The following IGF1R variants were observed in gnomAD, a reference collection of about 807,000 sequenced individuals.
The protein encoded by IGF1R is insulin like growth factor 1 receptor.
In IGF1R, 44 loss-of-function variants were observed where a neutral mutation model predicts 144.6. The observed-to-expected ratio is 0.30, with a 90% CI of 0.24 to 0.39. IGF1R has a LOEUF of 0.39. Ranked by LOEUF, IGF1R falls within the 10% of genes least tolerant of loss-of-function variation. The pLI is 1.00. For missense variants in IGF1R, 1,355 were observed against 1,833.7 expected (o/e 0.74, Z 4.77); for synonymous variants, 795 against 722.8 (o/e 1.10, Z -1.60).
Position 98,794,199 on chromosome 15 carries a change from C to T in IGF1R, c.640+86092C>T, listed in dbSNP as rs74034207. Among the ~76,000 whole-genome samples the T allele has an allele frequency of 7.7e-3, 1,174 of 152,296 alleles. 7 individuals carry two copies. The highest frequency in any genetic ancestry group is 0.027 in the African/African-American group (1,113 of 41,554). ...TTTTCTCTAGCTTATTTAGAAACGC[C>T]AGTCTAGACTTCCGCAGTTTTGGAT... On this transcript the variant is annotated intron_variant, in intron 2 of 20. Transcript: ENST00000650285.
intron 2 of IGF1R, among the ~76,000 whole-genome samples, chr15:98,839,448 A>G (rs2011139006): frequency 6.6e-6 from 1 of 152,174 alleles, no homozygotes; most frequent in Non-Finnish European, 1.5e-5. Flanking sequence ...GGTGGTTCAG[A>G]TGGCTAGAAG....
chr15:98,873,984 CAGATATTTCGAGCATGACTGAGCTTATTA>C (rs1156404904), intron 2 of IGF1R: 8 of 152,276 alleles, frequency 5.3e-5, no homozygotes, highest in Middle Eastern at 6.8e-3. Context: ...GTGGGTGAAA[CAGATATTTCGAGCATGACTGAGCTTATTA>C]AGAGCCCTGC....
At chr15:98,689,152 T>G (rs2053409733) in intron 1 of IGF1R, among the ~76,000 whole-genome samples, 1 of 152,116 alleles carries the variant, frequency 6.6e-6, no homozygotes, top group Non-Finnish European at 1.5e-5. Flanking sequence ...ACTCTAGATA[T>G]CTTGCAGATT....
At chr15:98,888,620 T>G (rs1248289648) in intron 2 of IGF1R, among the ~76,000 whole-genome samples, 2 of 152,144 alleles carry the variant, frequency 1.3e-5, no homozygotes, top group African/African-American at 4.8e-5. Context: ...CCTTATTACT[T>G]GTGGGTTAGA....
chr15:98,947,224 C>T (rs999936294), intron 19 of IGF1R, among the ~76,000 whole-genome samples: 2 of 152,252 alleles, frequency 1.3e-5, no homozygotes, highest in African/African-American at 4.8e-5. Flanking sequence ...GGTCTGTCCT[C>T]TGATTGCTAA....
chr15:98,778,276 G>C (rs769894278), intron 2 of IGF1R, among the ~76,000 whole-genome samples: 19 of 152,156 alleles, frequency 1.2e-4, no homozygotes, highest in Non-Finnish European at 2.5e-4. Flanking sequence ...AAGCTTTGAG[G>C]CATGTTCTAT....
chr15:98,916,627 C>T lies in IGF1R; in HGVS notation c.1997-45C>T, dbSNP rs34855511. 3.7e-4 allele frequency: 554 copies of T among 1,510,358 alleles called. 4 individuals are homozygous for T. In the East Asian group the frequency reaches 0.011, roughly 31 times the overall value. The allele number at this position is 1,510,358 out of a possible 1,614,324, so 93.6% of individuals were successfully genotyped here. On this transcript the variant is annotated intron_variant, in intron 9 of 20. Coordinates refer to ENST00000650285, the MANE Select transcript of IGF1R (RefSeq NM_000875.5). ...TATTTTTCCTTACAAGCATGTATAACGGCTTTCATTCCCACTCTTGTTTTG... is the reference window on the plus strand; with the variant it reads ...TATTTTTCCTTACAAGCATGTATAATGGCTTTCATTCCCACTCTTGTTTTG...
intron 2 of IGF1R, among the ~76,000 whole-genome samples, chr15:98,857,843 A>G (rs574886297): frequency 5.3e-5 from 8 of 152,234 alleles, no homozygotes; most frequent in Non-Finnish European, 8.8e-5. Flanking sequence ...TTTGATAAGG[A>G]TAACTGAGAC....
intron 2 of IGF1R, among the ~76,000 whole-genome samples, chr15:98,858,845 G>A (rs140396311): frequency 8.5e-4 from 130 of 152,236 alleles, no homozygotes; most frequent in Non-Finnish European, 1.5e-3. Flanking sequence ...TCCAAACTTC[G>A]TGTGACATCT....
chr15:98,797,973 A>G lies in IGF1R; in HGVS notation c.640+89866A>G, dbSNP rs1280370950. On this transcript the variant is annotated intron_variant, in intron 2 of 20. Coordinates refer to ENST00000650285, the MANE Select transcript of IGF1R (RefSeq NM_000875.5). ...TTTGCCCTGCCACTGTGAATCAGCC[A>G]TGAGAAGACGTGGAGAGGAACATGA... Among the ~76,000 whole-genome samples the G allele has an allele frequency of 5.9e-5, 9 of 152,250 alleles. No individual in the cohort carries two copies. The South Asian group carries it at 1.4e-3, about 25-fold the overall frequency.
At chr15:98,817,330 ATAATAATAATAG>A (rs948684798) in intron 2 of IGF1R, among the ~76,000 whole-genome samples, 4 of 147,438 alleles carry the variant, frequency 2.7e-5, no homozygotes, top group African/African-American at 7.9e-5. Context: ...AATAATAATA[ATAATAATAATAG>A]TAAGAATACT....
intron 5 of IGF1R, among the ~76,000 whole-genome samples, chr15:98,902,914 A>G (rs2014555710): frequency 6.6e-6 from 1 of 152,186 alleles, no homozygotes; most frequent in African/African-American, 2.4e-5. Flanking sequence ...CATCCAGAAC[A>G]GAAAATTCAA....
intron 1 of IGF1R, among the ~76,000 whole-genome samples, chr15:98,658,288 G>T (rs2052530204): frequency 6.6e-6 from 1 of 152,164 alleles, no homozygotes; most frequent in Non-Finnish European, 1.5e-5. Flanking sequence ...ATAGCAGAAA[G>T]TGCCGCTTAA....
intron 2 of IGF1R, among the ~76,000 whole-genome samples, chr15:98,769,654 G>A (rs1284663534): frequency 1.3e-5 from 2 of 152,220 alleles, no homozygotes; most frequent in African/African-American, 4.8e-5. Context: ...TTTATTGATT[G>A]CTGGCATTTG....
At chr15:98,884,581 C>G (rs2013543927) in intron 2 of IGF1R, among the ~76,000 whole-genome samples, 1 of 148,266 alleles carries the variant, frequency 6.7e-6, no homozygotes, top group African/African-American at 2.5e-5. Flanking sequence ...GTAGTCCCAG[C>G]TACAGGAGAA....
In IGF1R at chr15:98,960,028, AT is replaced by A; in HGVS notation, c.*2592del. On this transcript the variant is annotated 3_prime_UTR_variant, in exon 21 of 21. Transcript: ENST00000650285. ...TGTGAGAGTGATGGGACAGTTCTTG[AT>A]TTTTTGGGTTTTTTTTCCCCCAAAC... 4.3e-6 allele frequency: 1 copy of A among 233,166 alleles called. No individual in the cohort carries two copies. Among genetic ancestry groups the A allele is most frequent in the Non-Finnish European group, 8.5e-6 (1 of 117,978 alleles). 14.4% of individuals were successfully genotyped at this position (233,166 alleles called of 1,614,324 possible). A position where few individuals can be genotyped will look rare whatever the true frequency, so the allele number is the denominator to read the frequency against.
chr15:98,731,976 C>T (rs1460012770), intron 2 of IGF1R, among the ~76,000 whole-genome samples: 5 of 152,154 alleles, frequency 3.3e-5, no homozygotes, highest in African/African-American at 1.2e-4. Flanking sequence ...CAGTCTTCAC[C>T]CCCAAGCTCT....
chr15:98,878,085 G>A (rs1251544505), intron 2 of IGF1R, among the ~76,000 whole-genome samples: 1 of 152,250 alleles, frequency 6.6e-6, no homozygotes, highest in Non-Finnish European at 1.5e-5. Context: ...CAGTGTATCG[G>A]TAGCATTGAT....
chr15:98,728,078 C>T (rs10163105), intron 2 of IGF1R, among the ~76,000 whole-genome samples: 1,937 of 145,462 alleles, frequency 0.013, 47 homozygotes, highest in African/African-American at 0.046. Context: ...AACAAAGCTT[C>T]CACAGCATGG....
Sources: gnomAD v4.1 joint callset for allele counts (sites outside exome capture counted in the v4.1 genomes callset) on GRCh38, gnomAD v4.1.1 for gene constraint, MANE v1.5 for transcripts, NCBI Gene and HGNC (gene_info 2026-07-23, HGNC 2026-07-21) for gene names.